The following XKR6 variants were observed in gnomAD, a reference collection of about 807,000 sequenced individuals.
XKR6 encodes the protein XK related 6.
A neutral mutation model predicts 56.7 loss-of-function variants in XKR6; 22 were observed. The ratio of observed to expected loss-of-function variants is 0.39; its 90% CI spans 0.28 to 0.55. The LOEUF (loss-of-function observed/expected upper bound fraction) is 0.55. Ranked by LOEUF, XKR6 falls within the 20% of genes least tolerant of loss-of-function variation. XKR6 has a pLI of 0.66. For missense variants in XKR6, 852 were observed against 889.0 expected (o/e 0.96, Z 0.53); for synonymous variants, 524 against 387.8 (o/e 1.35, Z -4.13).
intron 1 of XKR6, among the ~76,000 whole-genome samples, chr8:10,964,524 T>C (rs1032464590): frequency 3.9e-5 from 6 of 152,152 alleles, no homozygotes; most frequent in Admixed American, 6.5e-5. Context: ...CCAGAGCATA[T>C]TGGGGTCACT....
intron 1 of XKR6, among the ~76,000 whole-genome samples, chr8:10,967,577 T>G (rs1454495206): frequency 1.3e-5 from 2 of 151,776 alleles, no homozygotes; most frequent in Admixed American, 6.6e-5. Context: ...GACACCAGAG[T>G]GCCCAGCCCT....
chr8:11,082,401 T>G (rs1797754915), intron 1 of XKR6, among the ~76,000 whole-genome samples: 1 of 152,230 alleles, frequency 6.6e-6, no homozygotes, highest in African/African-American at 2.4e-5. Context: ...TCAGCTGAGA[T>G]AATATCTCTA....
chr8:10,912,961 C>A (rs995072141), intron 2 of XKR6, among the ~76,000 whole-genome samples: 1 of 148,434 alleles, frequency 6.7e-6, no homozygotes, highest in African/African-American at 2.5e-5. Context: ...GCGAGTACAT[C>A]TGTAGAGAGA....
chr8:11,077,301 A>G (rs992463588), intron 1 of XKR6, among the ~76,000 whole-genome samples: 4 of 152,064 alleles, frequency 2.6e-5, no homozygotes. Flanking sequence ...TGGGAGACTC[A>G]TTTCATTTTT....
intron 2 of XKR6, among the ~76,000 whole-genome samples, chr8:10,911,170 A>C (rs1252849204): frequency 6.7e-6 from 1 of 148,616 alleles, no homozygotes; most frequent in Non-Finnish European, 1.5e-5. Context: ...ATGGATTTTG[A>C]GTATATATAC....
intron 1 of XKR6, among the ~76,000 whole-genome samples, chr8:11,107,012 G>GA (rs1426765674): frequency 6.6e-6 from 1 of 151,994 alleles, no homozygotes; most frequent in African/African-American, 2.4e-5. Context: ...TAAGGCAACT[G>GA]AAAACCTCCC....
chr8:10,937,174 T>G (rs1224047052), intron 1 of XKR6, among the ~76,000 whole-genome samples: 9 of 107,026 alleles, frequency 8.4e-5, no homozygotes, highest in African/African-American at 3.4e-4. Flanking sequence ...CTGATACCCT[T>G]TCTTCCAGTT....
At chr8:10,912,254 GTA>G (rs1208054435) in intron 2 of XKR6, among the ~76,000 whole-genome samples, 1 of 137,182 alleles carries the variant, frequency 7.3e-6, no homozygotes, top group South Asian at 2.4e-4. Context: ...GGGTGTGTGT[GTA>G]TATATATACA....
intron 1 of XKR6, among the ~76,000 whole-genome samples, chr8:11,130,473 G>C (rs569935305): frequency 3.9e-5 from 6 of 152,152 alleles, no homozygotes; most frequent in Non-Finnish European, 4.4e-5. Context: ...GTTACACACA[G>C]ACAGTGCAAT....
chr8:11,060,418 G>C (rs1586490915), intron 1 of XKR6, among the ~76,000 whole-genome samples: 1 of 152,184 alleles, frequency 6.6e-6, no homozygotes, highest in Admixed American at 6.5e-5. Context: ...TGCCTCCTCC[G>C]CAGCCCCGCA....
At position 11,005,361 on chromosome 8, in the gene XKR6, G is replaced by T. The variant is rs1005411216; in HGVS notation, c.765-80531C>A. Among the ~76,000 whole-genome samples the T allele has an allele frequency of 4.8e-3, 721 of 148,852 alleles. 3 individuals are homozygous for T. Among genetic ancestry groups the T allele is most frequent in the African/African-American group, 0.018 (700 of 38,448 alleles). On this transcript the variant is annotated intron_variant, in intron 1 of 2. Transcript: ENST00000416569. ...TCTTGGATAAGAAGTGACTGTAGTA[G>T]ATATAGATATATATATATATACATA...
chr8:10,977,723 CGAG>C (rs778439308), intron 1 of XKR6, among the ~76,000 whole-genome samples: 3 of 150,398 alleles, frequency 2.0e-5, no homozygotes, highest in Admixed American at 1.3e-4. Flanking sequence ...GGTCATAGAA[CGAG>C]GAGAAGTTTT....
At chr8:10,951,312 C>A (rs544236157) in intron 1 of XKR6, among the ~76,000 whole-genome samples, 1 of 99,618 alleles carries the variant, frequency 1.0e-5, no homozygotes, top group African/African-American at 3.9e-5. Context: ...GGGGGGGGGC[C>A]CCCACAGTGG....
At chr8:11,085,165 C>T (rs1157384317) in intron 1 of XKR6, among the ~76,000 whole-genome samples, 1 of 152,164 alleles carries the variant, frequency 6.6e-6, no homozygotes, top group Admixed American at 6.6e-5. Flanking sequence ...CACCCAAGAG[C>T]AGTTGGCACA....
Position 11,019,917 on chromosome 8 carries a change from G to A in XKR6, c.765-95087C>T, listed in dbSNP as rs181573075. Among the ~76,000 whole-genome samples the A allele has an allele frequency of 1.3e-3, 191 of 152,290 alleles. 1 individual carries two copies. Among genetic ancestry groups the A allele is most frequent in the Non-Finnish European group, 2.1e-3 (140 of 68,020 alleles). On this transcript the variant is annotated intron_variant, in intron 1 of 2. Coordinates refer to ENST00000416569, the MANE Select transcript of XKR6 (RefSeq NM_173683.4). ...GCTCACTTCCCAGCCGGGCCAGAGT[G>A]GGGCAGAGAGGCGGCAGGCTATAAA...
intron 1 of XKR6, among the ~76,000 whole-genome samples, chr8:11,165,569 G>A (rs1055329713): frequency 3.9e-5 from 6 of 152,170 alleles, no homozygotes; most frequent in East Asian, 3.8e-4. Context: ...TTGATTAGCA[G>A]AAACCATAAT....
intron 1 of XKR6, among the ~76,000 whole-genome samples, chr8:11,126,495 AGTCTG>A (rs1799806343): frequency 6.6e-6 from 1 of 152,096 alleles, no homozygotes; most frequent in Non-Finnish European, 1.5e-5. Context: ...ATGTGTCATT[AGTCTG>A]GTTTTTGATT....
chr8:11,081,978 T>G (rs1797737718), intron 1 of XKR6, among the ~76,000 whole-genome samples: 1 of 152,202 alleles, frequency 6.6e-6, no homozygotes, highest in East Asian at 1.9e-4. Context: ...GATGCTCTTG[T>G]CGGCCTACCC....
rs1024029317 is a variant in XKR6, at chr8:11,200,329, A to G, written c.764+247T>C. 6.6e-6 allele frequency among the ~76,000 whole-genome samples: 1 copy of G among 152,136 alleles called. No homozygotes were observed. Among genetic ancestry groups the G allele is most frequent in the African/African-American group, 2.4e-5 (1 of 41,424 alleles). ...GACGGGGAGGGCAGGTTGGGGCAAG[A>G]GCCCCGCCGAGTGCGAAGCGGGGAC... is the stretch of plus-strand genomic sequence containing the variant. On this transcript the variant is annotated intron_variant, in intron 1 of 2. Coordinates refer to ENST00000416569, the MANE Select transcript of XKR6 (RefSeq NM_173683.4). The surrounding 1 kb of genome is among the most constrained non-coding windows in gnomAD (Gnocchi z 6.4).
Sources: allele counts gnomAD v4.1 joint callset (sites outside exome capture counted in the v4.1 genomes callset), GRCh38; gene constraint gnomAD v4.1.1; non-coding constraint Gnocchi (gnomAD v3.1); transcripts MANE v1.5; gene names NCBI Gene and HGNC (gene_info 2026-07-23, HGNC 2026-07-21).